DDX60: variants seen among roughly 807,000 people sequenced by gnomAD.
DDX60 encodes the protein probable ATP-dependent RNA helicase DDX60.
A neutral mutation model predicts 212.8 loss-of-function variants in DDX60; 165 were observed. The observed-to-expected ratio is 0.78, with a 90% confidence interval of 0.68 to 0.88. The LOEUF (loss-of-function observed/expected upper bound fraction) is 0.88. Ranked by LOEUF, DDX60 falls within the 40% of genes least tolerant of loss-of-function variation. The pLI is 0.00. For synonymous variants in DDX60, 703 were observed against 685.3 expected, an observed-to-expected ratio of 1.03 and a Z score of -0.40; for missense variants, 1,905 against 2,003.9, an observed-to-expected ratio of 0.95 and a Z score of 0.94.
chr4:168,253,651 G>A (rs1734301966), intron 26 of DDX60, among the ~76,000 whole-genome samples: 1 of 151,812 alleles, frequency 6.6e-6, no homozygotes, highest in Non-Finnish European at 1.5e-5. Flanking sequence ...TATTCTAGCA[G>A]AAGCCACATT....
intron 4 of DDX60, among the ~76,000 whole-genome samples, chr4:168,307,765 C>A (rs1482929140): frequency 6.6e-6 from 1 of 152,168 alleles, no homozygotes; most frequent in Non-Finnish European, 1.5e-5. Context: ...CTTTCTCATC[C>A]TCTCTCATGA....
chr4:168,228,512 A>T (rs1578971720), intron 33 of DDX60, among the ~76,000 whole-genome samples: 1 of 151,924 alleles, frequency 6.6e-6, no homozygotes, highest in Non-Finnish European at 1.5e-5. Flanking sequence ...GTATGTGCAC[A>T]CTATTTTACT....
chr4:168,265,629 A>G (rs1389354419), intron 22 of DDX60: 1 of 152,200 alleles, frequency 6.6e-6, no homozygotes, highest in Non-Finnish European at 1.5e-5. Context: ...AAATAGAGGA[A>G]AGGCACTTGG....
chr4:168,302,131 T>C (rs1207438651), intron 6 of DDX60, among the ~76,000 whole-genome samples, 169 bp downstream of exon 6: 1 of 152,212 alleles, frequency 6.6e-6, no homozygotes, highest in Non-Finnish European at 1.5e-5. Context: ...GTTAATAGGA[T>C]TGACACAATG....
intron 2 of DDX60, 51 bp from the exon 3 acceptor site, chr4:168,311,118 C>A: frequency 7.1e-7 from 1 of 1,418,372 alleles, no homozygotes; most frequent in South Asian, 1.2e-5. Context: ...TTCAATTGGT[C>A]CTTTTTACAG....
At chr4:168,312,561 G>A (rs991477998) in intron 1 of DDX60, among the ~76,000 whole-genome samples, 1 of 152,098 alleles carries the variant, frequency 6.6e-6, no homozygotes, top group Non-Finnish European at 1.5e-5. Context: ...AAATACTAAA[G>A]AGGTAGATGA....
At chr4:168,290,360 G>A (rs1447369753) in intron 8 of DDX60, among the ~76,000 whole-genome samples, 1 of 135,370 alleles carries the variant, frequency 7.4e-6, no homozygotes, top group Non-Finnish European at 1.5e-5. Flanking sequence ...ACGGAGCCTC[G>A]CTCTGTCACC....
chr4:168,264,137 G>C (rs1001043663), intron 22 of DDX60, among the ~76,000 whole-genome samples: 1 of 152,140 alleles, frequency 6.6e-6, no homozygotes, highest in Non-Finnish European at 1.5e-5. Context: ...GTACAGGAGA[G>C]TATGAATCAG....
At chr4:168,309,005 A>G (rs760698236) in intron 3 of DDX60, among the ~76,000 whole-genome samples, 113 of 152,148 alleles carry the variant, frequency 7.4e-4, no homozygotes, top group Non-Finnish European at 1.4e-3. Context: ...TAGACTACAC[A>G]TGGCAGCTTT....
chr4:168,275,472 C>T lies in DDX60; in HGVS notation c.2177G>A (p.Arg726Lys). ...CCCAATGCCAACTGAATATTTATTC[C>T]TTTTCTTCACTTTTACATCATTTTC... ...DAENDVKVKK[R>K]NKYSVGIGPA... The change falls in exon 16 of 38, where the codon AGG (arginine) becomes AAG (lysine). Residue 726 changes from arginine (R) to lysine (K), a missense_variant. Physicochemically the swap from Arg to Lys is conservative, Grantham distance 26 (BLOSUM62 2). Coordinates refer to ENST00000393743, the MANE Select transcript of DDX60 (RefSeq NM_017631.6). 6.2e-7 allele frequency: 1 copy of T among 1,607,818 alleles called. No individual in the cohort carries two copies. The highest frequency in any genetic ancestry group is 2.2e-5 in the East Asian group (1 of 44,726).
At chr4:168,271,115 C>A (rs747492863) in intron 19 of DDX60, among the ~76,000 whole-genome samples, 3 of 152,054 alleles carry the variant, frequency 2.0e-5, no homozygotes, top group Non-Finnish European at 4.4e-5. Context: ...TGACCTCAGG[C>A]AATCTGCCCA....
chr4:168,324,966 C>A, the DDX60 span, among the ~76,000 whole-genome samples: 1 of 152,178 alleles, frequency 6.6e-6, no homozygotes. Flanking sequence ...AGAAGTGAAG[C>A]CAAACTGCAG....
At chr4:168,286,416 A>ACACACACACACCCC (rs774764702) in intron 10 of DDX60, among the ~76,000 whole-genome samples, 3 of 115,758 alleles carry the variant, frequency 2.6e-5, no homozygotes, top group African/African-American at 1.2e-4. Flanking sequence ...ACACACACAC[A>ACACACACACACCCC]CCACACGAGA....
intron 15 of DDX60, among the ~76,000 whole-genome samples, 189 bp downstream of exon 15, chr4:168,275,826 T>C (rs749721050): frequency 2.6e-4 from 39 of 152,066 alleles, no homozygotes; most frequent in Non-Finnish European, 4.9e-4. Flanking sequence ...AATCTGTTTG[T>C]CCAGGTAAGC....
upstream of DDX60, among the ~76,000 whole-genome samples, chr4:168,320,547 C>T (rs1427970780): frequency 6.6e-6 from 1 of 151,982 alleles, no homozygotes; most frequent in Non-Finnish European, 1.5e-5. Flanking sequence ...CCTCTGAGCT[C>T]AGAACTGTAA....
At chr4:168,296,287 A>AT (rs1015513019) in intron 6 of DDX60, among the ~76,000 whole-genome samples, 1 of 152,084 alleles carries the variant, frequency 6.6e-6, no homozygotes, top group South Asian at 2.1e-4. Flanking sequence ...AATCAAAAAT[A>AT]TTTTTTTAAT....
At position 168,232,068 on chromosome 4, in the gene DDX60, C is replaced by T. The variant is rs111578279; in HGVS notation, c.4533+4184G>A. On this transcript the variant is annotated intron_variant, in intron 33 of 37. Transcript: ENST00000393743. Reference sequence around the variant, plus strand: ...AATCAGTAGCTCTGCCATACACCAACAGCAACCAAGCTGAGAATCAAATCA... The same window carrying T: ...AATCAGTAGCTCTGCCATACACCAATAGCAACCAAGCTGAGAATCAAATCA... Among the ~76,000 whole-genome samples, 1,027 of 152,082 alleles carry T rather than the reference C, an allele frequency of 6.8e-3. 11 individuals are homozygous for T. Among genetic ancestry groups the T allele is most frequent in the African/African-American group, 0.023 (971 of 41,542 alleles).
chr4:168,305,631 T>C (rs1424607974), intron 5 of DDX60, among the ~76,000 whole-genome samples: 1 of 148,970 alleles, frequency 6.7e-6, no homozygotes, highest in Non-Finnish European at 1.5e-5. Context: ...CTATTATATA[T>C]TATATTATTA....
chr4:168,257,677 T>C (rs1231474762), intron 25 of DDX60, among the ~76,000 whole-genome samples: 2 of 152,208 alleles, frequency 1.3e-5, no homozygotes, highest in Non-Finnish European at 2.9e-5. Flanking sequence ...TAATGTTGCC[T>C]CTTAAATCTC....
Sources: allele counts gnomAD v4.1 joint callset (sites outside exome capture counted in the v4.1 genomes callset), GRCh38; gene constraint gnomAD v4.1.1; transcripts MANE v1.5; gene names NCBI Gene and HGNC (gene_info 2026-07-23, HGNC 2026-07-21).